Variants in ELAVL3 observed in about 807,000 individuals in gnomAD.
ELAVL3 encodes the protein ELAV-like protein 3.
In ELAVL3, 8 loss-of-function variants were observed where a neutral mutation model predicts 34.2. The ratio of observed to expected loss-of-function variants is 0.23; its 90% CI spans 0.14 to 0.42. The LOEUF (loss-of-function observed/expected upper bound fraction) is 0.42. Ranked by LOEUF, ELAVL3 falls within the 10% of genes least tolerant of loss-of-function variation. The probability of loss-of-function intolerance (pLI) is 1.00; values close to 1 mark genes in which losing one functional copy is unlikely to be tolerated. For synonymous variants in ELAVL3, 209 were observed against 222.1 expected (o/e 0.94, Z 0.53); for missense variants, 273 against 518.8 (o/e 0.53, Z 4.60).
chr19:11,464,635 CACCACACAT>C (rs1404121867), intron 3 of ELAVL3, among the ~76,000 whole-genome samples: 3 of 142,072 alleles, frequency 2.1e-5, no homozygotes, highest in Non-Finnish European at 4.6e-5. Context: ...ACACCACACA[CACCACACAT>C]ACACATACAT....
At chr19:11,471,200 C>G (rs1971156351) in intron 1 of ELAVL3, among the ~76,000 whole-genome samples, 1 of 151,894 alleles carries the variant, frequency 6.6e-6, no homozygotes, top group South Asian at 2.1e-4. Flanking sequence ...ATCTCAGCTA[C>G]TCAGGAGGCT....
Position 11,458,125 on chromosome 19 carries a change from G to A in ELAVL3, c.649C>T (p.His217Tyr). The A allele has an allele frequency of 6.8e-6, 11 of 1,614,094 alleles. No homozygotes were observed. The highest frequency in any genetic ancestry group is 9.3e-6 in the Non-Finnish European group (11 of 1,180,034). Residue 217 changes from histidine (H) to tyrosine (Y), a missense_variant, in exon 5 of 7, where the codon CAC becomes TAC. Coordinates refer to ENST00000359227, the MANE Select transcript of ELAVL3 (RefSeq NM_001420.4). The surrounding 1 kb of genome is among the most constrained non-coding windows in gnomAD (Gnocchi z 7.3). ...SQKTGQALLT[H>Y]LYQSSARRYA... ...CGCCGGGCGGATGACTGGTAGAGGT[G>A]GGTGAGCAGCGCCTGCCCCGTCTTC... is the stretch of plus-strand genomic sequence containing the variant.
intron 3 of ELAVL3, among the ~76,000 whole-genome samples, chr19:11,460,952 G>C (rs991050504): frequency 6.8e-6 from 1 of 146,870 alleles, no homozygotes; most frequent in Admixed American, 7.1e-5. Context: ...AGGAGTTTGA[G>C]ACCAGCCTGG....
At chr19:11,479,929 C>T (rs931329807) in intron 1 of ELAVL3, among the ~76,000 whole-genome samples, 1 of 151,706 alleles carries the variant, frequency 6.6e-6, no homozygotes, top group Non-Finnish European at 1.5e-5. Context: ...AGGTGCCCCC[C>T]CAACCCGCGG....
intron 1 of ELAVL3, among the ~76,000 whole-genome samples, chr19:11,479,013 C>T (rs1971316015): frequency 6.6e-6 from 1 of 152,228 alleles, no homozygotes; most frequent in Non-Finnish European, 1.5e-5. Flanking sequence ...CCCCATGATA[C>T]ATCTCTGCCC....
chr19:11,476,359 T>C, intron 1 of ELAVL3, among the ~76,000 whole-genome samples: 1 of 151,256 alleles, frequency 6.6e-6, no homozygotes. Flanking sequence ...GGCAACACAG[T>C]GAGATCTTGT....
Position 11,480,514 on chromosome 19 carries a change from C to T in ELAVL3, c.9+86G>A, listed in dbSNP as rs541611129. On this transcript the variant is annotated intron_variant, in intron 1 of 6. Coordinates refer to ENST00000359227, the MANE Select transcript of ELAVL3 (RefSeq NM_001420.4). The surrounding 1 kb of genome is among the most constrained non-coding windows in gnomAD (Gnocchi z 6.8). ...GCCTAGCTAGGCCTGGTCCTACCCC[C>T]CCCGCCGCACCCGCCCAATCTCCGC... The T allele has an allele frequency of 2.1e-6, 3 of 1,409,982 alleles. No individual in the cohort carries two copies. The highest frequency in any genetic ancestry group is 3.1e-5 in the Admixed American group (1 of 32,036). 87.3% of individuals were successfully genotyped at this position (1,409,982 alleles called of 1,614,324 possible).
In ELAVL3 at chr19:11,458,751, C is replaced by A; in HGVS notation, c.334-140G>T. 8.5e-7 allele frequency: 1 copy of A among 1,175,438 alleles called. No individual in the cohort carries two copies. 72.8% of individuals were successfully genotyped at this position (1,175,438 alleles called of 1,614,324 possible). On this transcript the variant is annotated intron_variant, in intron 3 of 6. Transcript: ENST00000359227. This position sits in a 1 kb window ranked among gnomAD's most constrained non-coding sequence, Gnocchi z 7.3. ...CAATAAGTATCTCTAGAGTTGTCACCGTGGGGTGGGGCTGAGTCAGATATG... is the reference window on the plus strand; with the variant it reads ...CAATAAGTATCTCTAGAGTTGTCACAGTGGGGTGGGGCTGAGTCAGATATG...
intron 1 of ELAVL3, among the ~76,000 whole-genome samples, chr19:11,470,309 C>T (rs1350319204): frequency 1.3e-5 from 2 of 152,078 alleles, no homozygotes; most frequent in African/African-American, 4.8e-5. Context: ...GAGCTGAGCT[C>T]GTGCCATTGC....
chr19:11,458,639 G>T lies in ELAVL3; in HGVS notation c.334-28C>A, dbSNP rs1256591230. ...GGGTGAGGGGGTCAGATGGACAGGG[G>T]TGAGGCAGAGACCCATTTCACAGAT... On this transcript the variant is annotated intron_variant, in intron 3 of 6. Coordinates refer to ENST00000359227, the MANE Select transcript of ELAVL3 (RefSeq NM_001420.4). The surrounding 1 kb of genome is among the most constrained non-coding windows in gnomAD (Gnocchi z 7.3). 3 of 1,611,218 alleles carry T rather than the reference G, an allele frequency of 1.9e-6. No individual in the cohort carries two copies. Among genetic ancestry groups the T allele is most frequent in the East Asian group, 2.2e-5 (1 of 44,880 alleles).
intron 3 of ELAVL3, among the ~76,000 whole-genome samples, chr19:11,464,078 T>TCTCTCCCTCC (rs1970948437): frequency 6.7e-6 from 1 of 148,876 alleles, no homozygotes; most frequent in Non-Finnish European, 1.5e-5. Context: ...CAGCAGCCTC[T>TCTCTCCCTCC]CTCTCCCTCC....
At chr19:11,476,653 C>T (rs1568387934) in intron 1 of ELAVL3, among the ~76,000 whole-genome samples, 1 of 152,042 alleles carries the variant, frequency 6.6e-6, no homozygotes, top group Non-Finnish European at 1.5e-5. Flanking sequence ...AATCCCAATA[C>T]TTTGGGAGGC....
chr19:11,472,082 C>T (rs558248401), intron 1 of ELAVL3, among the ~76,000 whole-genome samples: 7 of 152,268 alleles, frequency 4.6e-5, no homozygotes, highest in South Asian at 2.1e-4. Context: ...TGGTGGGTCA[C>T]GGCTGTAATC....
In ELAVL3 at chr19:11,451,783, C is replaced by G. The variant is rs1195595130; in HGVS notation, c.*2743G>C. On this transcript the variant is annotated 3_prime_UTR_variant, in exon 7 of 7. Coordinates refer to ENST00000359227, the MANE Select transcript of ELAVL3 (RefSeq NM_001420.4). Reference sequence around the variant, plus strand: ...AGTCCCCTCCCAGTCTTGGGGGTGGCAGGGGCCTAGGCCTCGGTGGGGGGG... The same window carrying G: ...AGTCCCCTCCCAGTCTTGGGGGTGGGAGGGGCCTAGGCCTCGGTGGGGGGG... 1 of 150,320 alleles carries G rather than the reference C, an allele frequency of 6.7e-6. No homozygotes were observed. The highest frequency in any genetic ancestry group is 6.6e-5 in the Admixed American group (1 of 15,220). 9.3% of individuals were successfully genotyped at this position (150,320 alleles called of 1,614,324 possible).
intron 1 of ELAVL3, among the ~76,000 whole-genome samples, chr19:11,468,357 T>C (rs1386744089): frequency 6.6e-6 from 1 of 152,132 alleles, no homozygotes; most frequent in East Asian, 1.9e-4. Context: ...ATACCTGTTA[T>C]CTATTTTTCT....
intron 1 of ELAVL3, among the ~76,000 whole-genome samples, chr19:11,476,141 G>A (rs1169513887): frequency 6.6e-6 from 1 of 152,184 alleles, no homozygotes; most frequent in Non-Finnish European, 1.5e-5. Context: ...ATACTTAACT[G>A]ATCGCGTAAC....
chr19:11,462,131 C>T (rs1393592819), intron 3 of ELAVL3, among the ~76,000 whole-genome samples: 10 of 145,694 alleles, frequency 6.9e-5, no homozygotes, highest in East Asian at 4.0e-4. Context: ...GCCGAGATCG[C>T]GCCACTGCAC....
chr19:11,462,937 G>C (rs1458955532), intron 3 of ELAVL3, among the ~76,000 whole-genome samples: 2 of 150,718 alleles, frequency 1.3e-5, no homozygotes, highest in Admixed American at 6.6e-5. Flanking sequence ...ATTCCAGCCT[G>C]GGTGACAGAG....
chr19:11,456,004 C>T (rs975325793), intron 6 of ELAVL3, among the ~76,000 whole-genome samples: 8 of 152,170 alleles, frequency 5.3e-5, no homozygotes, highest in African/African-American at 1.7e-4. Context: ...TTTGCACAGG[C>T]TTTTCCCACT....
Sources: gnomAD v4.1 joint callset for allele counts (sites outside exome capture counted in the v4.1 genomes callset) on GRCh38, gnomAD v4.1.1 for gene constraint, Gnocchi (gnomAD v3.1) non-coding constraint, MANE v1.5 for transcripts, NCBI Gene and HGNC (gene_info 2026-07-23, HGNC 2026-07-21) for gene names.